Variants in MAML1 observed in about 807,000 individuals in gnomAD.
MAML1 encodes the protein mastermind-like protein 1.
In MAML1, 14 loss-of-function variants were observed where a neutral mutation model predicts 77.1. The ratio of observed to expected loss-of-function variants is 0.18; its 90% CI spans 0.12 to 0.28. The LOEUF (loss-of-function observed/expected upper bound fraction) is 0.28. MAML1 is among the 10% of genes least tolerant of loss of function. MAML1 has a pLI of 1.00. For synonymous variants in MAML1, 516 were observed against 551.9 expected (o/e 0.93, Z 0.91); for missense variants, 1,217 against 1,327.8 (o/e 0.92, Z 1.30).
intron 1 of MAML1, among the ~76,000 whole-genome samples, chr5:179,757,810 A>G (rs997162806): frequency 6.6e-6 from 1 of 152,234 alleles, no homozygotes; most frequent in African/African-American, 2.4e-5. Flanking sequence ...CAATCTATTT[A>G]ACAATTTTGT....
At chr5:179,737,977 T>C (rs1779205514) in intron 1 of MAML1, among the ~76,000 whole-genome samples, 1 of 150,120 alleles carries the variant, frequency 6.7e-6, no homozygotes, top group Non-Finnish European at 1.5e-5. Flanking sequence ...TTAAAGTTTT[T>C]TGTAGAGATG....
intron 1 of MAML1, among the ~76,000 whole-genome samples, chr5:179,760,397 A>G (rs1779704264): frequency 6.6e-6 from 1 of 152,112 alleles, no homozygotes; most frequent in Admixed American, 6.6e-5. Context: ...GTTAGAGGGA[A>G]GAGGTGCTCT....
At chr5:179,744,966 A>G (rs958151255) in intron 1 of MAML1, among the ~76,000 whole-genome samples, 3 of 151,684 alleles carry the variant, frequency 2.0e-5, no homozygotes, top group Non-Finnish European at 4.4e-5. Flanking sequence ...CAGTGGCACA[A>G]TCTCGGCTCA....
chr5:179,737,514 A>G (rs951651257), intron 1 of MAML1, among the ~76,000 whole-genome samples: 1 of 152,194 alleles, frequency 6.6e-6, no homozygotes, highest in African/African-American at 2.4e-5. Flanking sequence ...ATTTGATCTC[A>G]TTAATATTTC....
chr5:179,761,471 C>T (rs954212196), intron 1 of MAML1, among the ~76,000 whole-genome samples: 1 of 152,052 alleles, frequency 6.6e-6, no homozygotes, highest in Admixed American at 6.6e-5. Context: ...CCGAGGTGAG[C>T]GGATCACCTG....
rs772431797 is a variant in MAML1, at chr5:179,771,140, T to C, written c.1972-7T>C. Reference sequence around the variant, plus strand: ...GGTTTTGTTTTGTTGTTCTTGGCATTTTCTAGGAGAAGCAACAGTTTCAGC... The same window carrying C: ...GGTTTTGTTTTGTTGTTCTTGGCATCTTCTAGGAGAAGCAACAGTTTCAGC... On this transcript the variant is annotated splice_region_variant and splice_polypyrimidine_tract_variant and intron_variant, in intron 3 of 4. Transcript: ENST00000292599. The surrounding 1 kb of genome is among the most constrained non-coding windows in gnomAD (Gnocchi z 4.7). The C allele has an allele frequency of 2.5e-6, 4 of 1,612,882 alleles. No homozygotes were observed. Among genetic ancestry groups the C allele is most frequent in the Non-Finnish European group, 3.4e-6 (4 of 1,178,840 alleles).
Position 179,752,597 on chromosome 5 carries a change from TC to T in MAML1, c.316-12728del, listed in dbSNP as rs1779516138. The stretch of plus-strand genomic sequence containing the variant: ...TTGAGTTTAACACTTTATTAGATAC[TC>T]TTTTTTTTTTTTTTTTTTTTTTTTT... On this transcript the variant is annotated intron_variant, in intron 1 of 4. Coordinates refer to ENST00000292599, the MANE Select transcript of MAML1 (RefSeq NM_014757.5). 4.6e-5 allele frequency among the ~76,000 whole-genome samples: 6 copies of T among 129,806 alleles called. No homozygotes were observed. The South Asian group carries it at 7.6e-4, about 16-fold the overall frequency. 85.2% of individuals were successfully genotyped at this position (129,806 alleles called of 152,430 possible). A position where few individuals can be genotyped will look rare whatever the true frequency, so the allele number is the denominator to read the frequency against.
chr5:179,751,046 T>G (rs1779479201), intron 1 of MAML1, among the ~76,000 whole-genome samples: 1 of 152,244 alleles, frequency 6.6e-6, no homozygotes, highest in African/African-American at 2.4e-5. Context: ...CGATCTTGGC[T>G]CACTGCAACC....
chr5:179,733,820 GTCCTTGCCCTTTACAAGA>G (rs1779115684), intron 1 of MAML1, among the ~76,000 whole-genome samples: 1 of 152,216 alleles, frequency 6.6e-6, no homozygotes, highest in African/African-American at 2.4e-5. Context: ...TGTTTATTGG[GTCCTTGCCCTTTACAAGA>G]TCCTGTGCTG....
chr5:179,756,935 G>A (rs57296823), intron 1 of MAML1, among the ~76,000 whole-genome samples: 4,114 of 152,142 alleles, frequency 0.027, 168 homozygotes, highest in African/African-American at 0.091. Flanking sequence ...AACCCAGCTC[G>A]GACTGGGTTT....
At chr5:179,761,556 A>G (rs1254326783) in intron 1 of MAML1, among the ~76,000 whole-genome samples, 1 of 152,080 alleles carries the variant, frequency 6.6e-6, no homozygotes, top group African/African-American at 2.4e-5. Context: ...TTAGCTGGAC[A>G]TGGTGGTGCA....
chr5:179,736,025 A>T (rs557881412), intron 1 of MAML1, among the ~76,000 whole-genome samples: 176 of 152,110 alleles, frequency 1.2e-3, no homozygotes, highest in African/African-American at 4.0e-3. Context: ...TTGTTACTTT[A>T]GGTCGCATCT....
chr5:179,740,658 G>A (rs1779264484), intron 1 of MAML1, among the ~76,000 whole-genome samples: 1 of 152,030 alleles, frequency 6.6e-6, no homozygotes, highest in African/African-American at 2.4e-5. Flanking sequence ...TGCATATAAA[G>A]CTTTTGTAGC....
In MAML1 at chr5:179,775,136, A is replaced by G; in HGVS notation, c.*259A>G. The G allele has an allele frequency of 8.2e-7, 1 of 1,217,380 alleles. No homozygotes were observed. 75.4% of individuals were successfully genotyped at this position (1,217,380 alleles called of 1,614,324 possible). On this transcript the variant is annotated 3_prime_UTR_variant, in exon 5 of 5. Coordinates refer to ENST00000292599, the MANE Select transcript of MAML1 (RefSeq NM_014757.5). ...TTGGGACAGCAGGATAGGGTTCTAAAGGTGGTTTTCTATCCAAACGACCAA... is the reference window on the plus strand; with the variant it reads ...TTGGGACAGCAGGATAGGGTTCTAAGGGTGGTTTTCTATCCAAACGACCAA...
chr5:179,742,501 A>T (rs78917630), intron 1 of MAML1, among the ~76,000 whole-genome samples: 1 of 142,870 alleles, frequency 7.0e-6, no homozygotes, highest in Non-Finnish European at 1.5e-5. Flanking sequence ...AATAAATAAT[A>T]AAAAAAAAAC....
At chr5:179,741,016 C>G (rs1779274220) in intron 1 of MAML1, among the ~76,000 whole-genome samples, 1 of 152,182 alleles carries the variant, frequency 6.6e-6, no homozygotes, top group Non-Finnish European at 1.5e-5. Flanking sequence ...GATTTCAAAT[C>G]CACATTTCCA....
intron 1 of MAML1, among the ~76,000 whole-genome samples, chr5:179,757,115 G>C (rs1349591182): frequency 6.6e-6 from 1 of 152,018 alleles, no homozygotes; most frequent in Non-Finnish European, 1.5e-5. Flanking sequence ...CACTGTGCCC[G>C]GCTGTGAGTT....
intron 1 of MAML1, among the ~76,000 whole-genome samples, chr5:179,754,639 T>C (rs1179110037): frequency 2.6e-5 from 4 of 152,076 alleles, no homozygotes; most frequent in Non-Finnish European, 4.4e-5. Context: ...AAGAAGCCAC[T>C]ACCACAGTGG....
At chr5:179,772,583 A>G (rs573236159) in intron 4 of MAML1, among the ~76,000 whole-genome samples, 33 of 152,300 alleles carry the variant, frequency 2.2e-4, no homozygotes, top group African/African-American at 7.7e-4. Flanking sequence ...TTCCCTGAGC[A>G]TAGGGGTGCT....
Sources: gnomAD v4.1 joint callset for allele counts (sites outside exome capture counted in the v4.1 genomes callset) on GRCh38, gnomAD v4.1.1 for gene constraint, Gnocchi (gnomAD v3.1) non-coding constraint, MANE v1.5 for transcripts, NCBI Gene and HGNC (gene_info 2026-07-23, HGNC 2026-07-21) for gene names.